Variants in RDH13 observed in about 807,000 individuals in gnomAD.
RDH13 encodes the protein retinol dehydrogenase 13.
RDH13 carries 35 observed loss-of-function variants against 28.3 expected under a neutral mutation model. That is an observed-to-expected ratio of 1.24 (90% CI 0.95 to 1.64). The LOEUF (loss-of-function observed/expected upper bound fraction) is 1.64, where lower values mean the gene tolerates loss of function less well. RDH13 is among the 40% of genes most tolerant of loss of function. The probability of loss-of-function intolerance (pLI) is 0.00; values close to 1 mark genes in which losing one functional copy is unlikely to be tolerated. For synonymous variants in RDH13, 229 were observed against 198.5 expected (o/e 1.15, Z -1.29); for missense variants, 514 against 446.3 (o/e 1.15, Z -1.37).
chr19:55,049,049 C>T (rs370314729), intron 3 of RDH13, among the ~76,000 whole-genome samples: 57 of 149,984 alleles, frequency 3.8e-4, no homozygotes, highest in African/African-American at 1.4e-3. Context: ...GAGGGTGGGC[C>T]GCCCCCGCTG....
upstream of RDH13, chr19:55,063,167 G>T (rs978516596): frequency 1.4e-5 from 11 of 789,598 alleles, no homozygotes; most frequent in African/African-American, 1.8e-5. Flanking sequence ...CTGGGCCCGC[G>T]TCCGGAACTG....
Position 55,062,993 on chromosome 19 carries a change from C to T in RDH13, c.40G>A (p.Val14Ile). ...YLLPLSALGTVAGAAVLLKDY... is the reference protein window; with the variant it reads ...YLLPLSALGTIAGAAVLLKDY... ...TTGAGCAGCACGGCGGCGCCTGCTA[C>T]CGTGCCCAGCGCCGACAGCGGCAGC... is the stretch of plus-strand genomic sequence containing the variant. Residue 14 changes from valine to isoleucine, a missense_variant, in exon 1 of 7, where the codon GTA (valine) becomes ATA (isoleucine). Transcript: ENST00000415061. The T allele has an allele frequency of 1.4e-6, 2 of 1,475,282 alleles. No individual in the cohort carries two copies. Among genetic ancestry groups the T allele is most frequent in the Non-Finnish European group, 1.8e-6 (2 of 1,115,266 alleles). 91.4% of individuals were successfully genotyped at this position (1,475,282 alleles called of 1,614,324 possible).
chr19:55,059,862 T>C (rs1487336739), intron 1 of RDH13, among the ~76,000 whole-genome samples: 1 of 152,186 alleles, frequency 6.6e-6, no homozygotes, highest in Non-Finnish European at 1.5e-5. Context: ...AAAACCTGTG[T>C]TGTATGAAAT....
chr19:55,046,229 G>A (rs1434237343), intron 6 of RDH13, among the ~76,000 whole-genome samples: 2 of 136,886 alleles, frequency 1.5e-5, no homozygotes, highest in Non-Finnish European at 3.1e-5. Context: ...CCTGGGTGAC[G>A]AGCAAAACTC....
At chr19:55,061,431 CTCTCCT>C (rs1222714273) in intron 1 of RDH13, among the ~76,000 whole-genome samples, 4 of 151,974 alleles carry the variant, frequency 2.6e-5, no homozygotes, top group African/African-American at 9.7e-5. Flanking sequence ...ACCCAACAAC[CTCTCCT>C]TCTATCTTCC....
chr19:55,048,931 A>T (rs1166707546), intron 3 of RDH13, among the ~76,000 whole-genome samples, 168 bp from the exon 4 acceptor site: 3 of 152,170 alleles, frequency 2.0e-5, no homozygotes, highest in Non-Finnish European at 4.4e-5. Flanking sequence ...GGTGAGCCCT[A>T]ATCCAATGAC....
At chr19:55,048,909 T>G in intron 3 of RDH13, 146 bp from the exon 4 acceptor site, 1 of 708,824 alleles carries the variant, frequency 1.4e-6, no homozygotes, top group Non-Finnish European at 2.5e-6. Flanking sequence ...CATGTCAGGA[T>G]GCGGTCATTA....
At chr19:55,052,063 CTTT>C (rs111427426) in intron 3 of RDH13, among the ~76,000 whole-genome samples, 2 of 120,782 alleles carry the variant, frequency 1.7e-5, no homozygotes, top group Admixed American at 8.9e-5. Flanking sequence ...ACTGCCTCAA[CTTT>C]TTTTTTTTTT....
chr19:55,055,448 C>T lies in RDH13; in HGVS notation c.340+1205G>A, dbSNP rs546096768. Among the ~76,000 whole-genome samples the T allele has an allele frequency of 5.7e-4, 86 of 152,210 alleles. 1 individual carries two copies. Among genetic ancestry groups the T allele is most frequent in the African/African-American group, 1.9e-3 (80 of 41,550 alleles). Reference sequence around the variant, plus strand: ...GATTAACAGGCGTGAGCCACTGTGCCCAGCCAGTTCTGTCTTCTTTACATT... The same window carrying T: ...GATTAACAGGCGTGAGCCACTGTGCTCAGCCAGTTCTGTCTTCTTTACATT... On this transcript the variant is annotated intron_variant, in intron 3 of 6. Coordinates refer to ENST00000415061, the MANE Select transcript of RDH13 (RefSeq NM_001145971.2).
chr19:55,052,667 TTA>T (rs1686827968), intron 3 of RDH13, among the ~76,000 whole-genome samples: 1 of 140,030 alleles, frequency 7.1e-6, no homozygotes, highest in Non-Finnish European at 1.6e-5. Context: ...TCATTGTTTT[TTA>T]TTTTTTTTTT....
chr19:55,048,111 G>C (rs1368978733), intron 5 of RDH13: 1 of 1,527,250 alleles, frequency 6.5e-7, no homozygotes, highest in Non-Finnish European at 8.8e-7. Flanking sequence ...GATCCAGGCA[G>C]ACTAGACCAC....
At chr19:55,066,371 C>G (rs2075957818), upstream of RDH13, among the ~76,000 whole-genome samples, 2 of 152,092 alleles carry the variant, frequency 1.3e-5, no homozygotes, top group Non-Finnish European at 2.9e-5. Context: ...TTCTGTCTCT[C>G]CTTTCTCGTT....
chr19:55,044,837 C>G lies in RDH13; in HGVS notation c.*237G>C, dbSNP rs2075149487. ...CAGTTTAGATTCCCAGGGGAAGCAT[C>G]AGATGGCCCCTCTCCCCTGCTGGCA... On this transcript the variant is annotated 3_prime_UTR_variant, in exon 7 of 7. Coordinates refer to ENST00000415061, the MANE Select transcript of RDH13 (RefSeq NM_001145971.2). The G allele has an allele frequency of 2.1e-6, 1 of 471,638 alleles. No individual in the cohort carries two copies. Among genetic ancestry groups the G allele is most frequent in the Non-Finnish European group, 3.7e-6 (1 of 269,790 alleles). The allele number at this position is 471,638 out of a possible 1,614,324, so 29.2% of individuals were successfully genotyped here.
At chr19:55,063,954 C>T (rs2075890560), upstream of RDH13, 1 of 152,188 alleles carries the variant, frequency 6.6e-6, no homozygotes, top group South Asian at 2.1e-4. Context: ...ATCTGATCAC[C>T]ACCTCCTACC....
intron 1 of RDH13, chr19:55,068,543 A>C (rs1234956507): frequency 1.3e-5 from 2 of 150,300 alleles, no homozygotes; most frequent in Non-Finnish European, 3.0e-5. Flanking sequence ...GTCTCAAAAA[A>C]AGAAAGAGGA....
chr19:55,063,435 T>G, upstream of RDH13: 1 of 224,626 alleles, frequency 4.5e-6, no homozygotes, highest in Non-Finnish European at 8.7e-6. Context: ...CTGTGTGTCT[T>G]TCAACTATAT....
chr19:55,058,280 C>G (rs1035653717), intron 2 of RDH13, among the ~76,000 whole-genome samples: 1 of 151,444 alleles, frequency 6.6e-6, no homozygotes, highest in Admixed American at 6.6e-5. Flanking sequence ...CCCAGCTACT[C>G]GGGTGGCTGA....
At chr19:55,058,001 C>T (rs1258050165) in intron 2 of RDH13, among the ~76,000 whole-genome samples, 1 of 151,682 alleles carries the variant, frequency 6.6e-6, no homozygotes, top group African/African-American at 2.4e-5. Flanking sequence ...GTCTGGAACC[C>T]CTGGCCTCAA....
At chr19:55,054,638 G>A (rs113400937) in intron 3 of RDH13, among the ~76,000 whole-genome samples, 2,007 of 152,156 alleles carry the variant, frequency 0.013, 20 homozygotes, top group Middle Eastern at 0.034. Flanking sequence ...GCACAAATAC[G>A]GCTCACTGCA....
Sources: gnomAD v4.1 joint callset for allele counts (sites outside exome capture counted in the v4.1 genomes callset) on GRCh38, gnomAD v4.1.1 for gene constraint, MANE v1.5 for transcripts, NCBI Gene and HGNC (gene_info 2026-07-23, HGNC 2026-07-21) for gene names.